DNAH6: variants seen among roughly 807,000 people sequenced by gnomAD.
DNAH6 encodes axonemal beta dynein heavy chain 6.
DNAH6 carries 340 observed loss-of-function variants against 491.4 expected under a neutral mutation model. That is an observed-to-expected ratio of 0.69 (90% CI 0.63 to 0.76). The LOEUF (loss-of-function observed/expected upper bound fraction) is 0.76. Ranked by LOEUF, DNAH6 falls within the 30% of genes least tolerant of loss-of-function variation. The pLI, the probability that DNAH6 is intolerant of heterozygous loss-of-function variation, is 0.00. For missense variants in DNAH6, 4,443 were observed against 4,972.2 expected (o/e 0.89, Z 3.20); for synonymous variants, 1,603 against 1,686.1 (o/e 0.95, Z 1.21).
rs143316240 is a variant in DNAH6 at position 84,595,545 on chromosome 2, G to A, written c.2725-101G>A. The A allele has an allele frequency of 2.0e-5, 21 of 1,043,720 alleles. No homozygotes were observed. In the East Asian group the frequency reaches 4.5e-4, roughly 22 times the overall value. 64.7% of individuals were successfully genotyped at this position (1,043,720 alleles called of 1,614,324 possible). ...AAGTAAAGCCATTTCCAAAAGCATA[G>A]TGTAGATTTGGATTAACTTTTAAAA... On this transcript the variant is annotated intron_variant, in intron 17 of 76. Coordinates refer to ENST00000389394, the MANE Select transcript of DNAH6 (RefSeq NM_001370.2).
intron 18 of DNAH6, among the ~76,000 whole-genome samples, chr2:84,602,800 T>TG (rs1553439839): frequency 1.3e-5 from 2 of 150,414 alleles, no homozygotes; most frequent in African/African-American, 2.4e-5. Flanking sequence ...ATGCTCTGTT[T>TG]TTTTTTTTTT....
intron 26 of DNAH6, among the ~76,000 whole-genome samples, chr2:84,623,652 G>A (rs1173945381): frequency 2.6e-5 from 4 of 151,426 alleles, no homozygotes; most frequent in Non-Finnish European, 5.9e-5. Context: ...CTGTGTAGAG[G>A]TGGTCCCTCA....
intron 18 of DNAH6, among the ~76,000 whole-genome samples, chr2:84,603,249 C>G (rs568230556): frequency 6.6e-6 from 1 of 151,926 alleles, no homozygotes; most frequent in East Asian, 1.9e-4. Flanking sequence ...TCTTCTTCTA[C>G]TTGGATTTTT....
Position 84,528,856 on chromosome 2 carries a change from A to G in DNAH6, c.400-48A>G, listed in dbSNP as rs1487539228. On this transcript the variant is annotated intron_variant, in intron 3 of 76. Coordinates refer to ENST00000389394, the MANE Select transcript of DNAH6 (RefSeq NM_001370.2). ...GTAATATTTTGTTGCTCTTGTGTGT[A>G]TGTGTGCAAAGACTCATTTTTTTTT... 5 of 1,473,992 alleles carry G rather than the reference A, an allele frequency of 3.4e-6. No individual in the cohort carries two copies. The East Asian group carries it at 7.5e-5, about 22-fold the overall frequency. 91.3% of individuals were successfully genotyped at this position (1,473,992 alleles called of 1,614,324 possible).
At chr2:84,754,636 G>A (rs930108261) in intron 63 of DNAH6, among the ~76,000 whole-genome samples, 2 of 152,154 alleles carry the variant, frequency 1.3e-5, no homozygotes, top group African/African-American at 4.8e-5. Flanking sequence ...TATTCCATTA[G>A]CCTATATGTC....
At chr2:84,735,323 T>A (rs1699450592) in intron 62 of DNAH6, among the ~76,000 whole-genome samples, 1 of 152,222 alleles carries the variant, frequency 6.6e-6, no homozygotes, top group African/African-American at 2.4e-5. Context: ...GTTGATTCCA[T>A]GTATTTGCTG....
intron 33 of DNAH6, among the ~76,000 whole-genome samples, chr2:84,647,802 A>G (rs1690039905): frequency 1.3e-5 from 2 of 152,248 alleles, no homozygotes; most frequent in African/African-American, 4.8e-5. Flanking sequence ...AACAAAAGGC[A>G]TCATTCTATA....
At chr2:84,557,417 C>T (rs547380981) in intron 10 of DNAH6, among the ~76,000 whole-genome samples, 3 of 151,272 alleles carry the variant, frequency 2.0e-5, no homozygotes, top group Non-Finnish European at 2.9e-5. Context: ...GAGGCCGAGG[C>T]GGGTGGATCA....
At chr2:84,611,995 TA>T (rs1221033926) in intron 22 of DNAH6, 141 bp downstream of exon 22, 1 of 642,892 alleles carries the variant, frequency 1.6e-6, no homozygotes, top group African/African-American at 1.9e-5. Context: ...CATGGATGAC[TA>T]GGAATCCTTG....
In DNAH6 at chr2:84,770,989, CA is replaced by C. The variant is rs576040557; in HGVS notation, c.10703+8057del. 4.8e-3 allele frequency among the ~76,000 whole-genome samples: 603 copies of C among 126,630 alleles called. 7 individuals carry two copies. Among genetic ancestry groups the C allele is most frequent in the South Asian group, 0.045 (185 of 4,106 alleles). 83.1% of individuals were successfully genotyped at this position (126,630 alleles called of 152,430 possible). ...TATGTGGCAGAGCAAGATCCTCTGT[CA>C]AAAAAAAAAAAATGGGGGCCCAGCG... On this transcript the variant is annotated intron_variant, in intron 64 of 76. Transcript: ENST00000389394.
intron 72 of DNAH6, among the ~76,000 whole-genome samples, chr2:84,809,920 A>G (rs897778686): frequency 1.3e-5 from 2 of 152,128 alleles, no homozygotes; most frequent in Admixed American, 1.3e-4. Context: ...ACTTGGTCAC[A>G]TGACCACAGC....
intron 65 of DNAH6, among the ~76,000 whole-genome samples, chr2:84,783,638 T>A (rs1477999704): frequency 6.6e-6 from 1 of 152,246 alleles, no homozygotes; most frequent in African/African-American, 2.4e-5. Flanking sequence ...TGACTTGTTG[T>A]CATTCATTCC....
At position 84,745,155 on chromosome 2, in the gene DNAH6, G is replaced by A; in HGVS notation, c.10418G>A (p.Arg3473Lys). 2 of 1,549,804 alleles carry A rather than the reference G, an allele frequency of 1.3e-6. No homozygotes were observed. The highest frequency in any genetic ancestry group is 1.7e-6 in the Non-Finnish European group (2 of 1,146,016). ...SKMKHEDKHM[R>K]QEKEAAHQDP... ...ATGAAACACGAAGATAAACACATGA[G>A]ACAGGAAAAGGAGGCAGCACACCAA... Residue 3473 changes from arginine (R) to lysine (K), a missense_variant, in exon 63 of 77, where the codon AGA becomes AAA. This residue lies in a region of DNAH6 where 1,463 missense variants were observed against 1,656.6 expected (regional missense o/e 0.88). Transcript: ENST00000389394.
chr2:84,583,025 A>G (rs1010031237), intron 14 of DNAH6, among the ~76,000 whole-genome samples: 7 of 152,188 alleles, frequency 4.6e-5, no homozygotes, highest in African/African-American at 1.4e-4. Context: ...TGCTCCCTCT[A>G]TAACCATGTG....
chr2:84,676,171 A>G (rs954158352), intron 40 of DNAH6, among the ~76,000 whole-genome samples: 8 of 152,210 alleles, frequency 5.3e-5, no homozygotes, highest in African/African-American at 1.7e-4. Flanking sequence ...GCAGACATGT[A>G]TGGAGTGGCA....
At chr2:84,779,903 G>T (rs1313362305) in intron 64 of DNAH6, among the ~76,000 whole-genome samples, 1 of 152,146 alleles carries the variant, frequency 6.6e-6, no homozygotes, top group Non-Finnish European at 1.5e-5. Flanking sequence ...AGCTTAGTCT[G>T]ACAGGATATG....
At chr2:84,606,504 G>C (rs12997105) in intron 20 of DNAH6, among the ~76,000 whole-genome samples, 124,818 of 152,052 alleles carry the variant, frequency 0.82, 53,355 homozygotes, top group East Asian at 0.99. Context: ...AGGAGAAACT[G>C]TATAACCATT....
chr2:84,703,187 A>G (rs1193716902), intron 49 of DNAH6, among the ~76,000 whole-genome samples: 2 of 152,232 alleles, frequency 1.3e-5, no homozygotes, highest in East Asian at 3.8e-4. Flanking sequence ...CATGGATCCA[A>G]ACAACTGTGA....
intron 63 of DNAH6, among the ~76,000 whole-genome samples, chr2:84,760,953 C>T (rs1674520472): frequency 1.3e-5 from 2 of 152,094 alleles, no homozygotes. Flanking sequence ...TTTGATCCAG[C>T]AGTCTCACTA....
Sources: allele counts gnomAD v4.1 joint callset (sites outside exome capture counted in the v4.1 genomes callset), GRCh38; gene constraint gnomAD v4.1.1; regional missense constraint gnomAD v4.1.1; transcripts MANE v1.5; gene names NCBI Gene and HGNC (gene_info 2026-07-23, HGNC 2026-07-21).